The following PHF24 variants were observed in gnomAD, a reference collection of about 807,000 sequenced individuals.
PHF24 encodes PHD finger protein 24.
In PHF24, 25 loss-of-function variants were observed where a neutral mutation model predicts 42.6. The observed-to-expected ratio is 0.59, with a 90% CI of 0.43 to 0.82. The LOEUF is 0.82. Ranked by LOEUF, PHF24 falls within the 40% of genes least tolerant of loss-of-function variation. The probability of loss-of-function intolerance (pLI) is 0.00; values close to 1 mark genes in which losing one functional copy is unlikely to be tolerated. For missense variants in PHF24, 470 were observed against 538.1 expected, an observed-to-expected ratio of 0.87 and a Z score of 1.25; for synonymous variants, 185 against 204.8, an observed-to-expected ratio of 0.90 and a Z score of 0.83.
chr9:34,858,648 A>G, the PHF24 span, among the ~76,000 whole-genome samples: 3 of 152,226 alleles, frequency 2.0e-5, no homozygotes, highest in African/African-American at 7.2e-5. Context: ...CACTGGGGCA[A>G]GCATGAAGCC....
At chr9:34,860,346 A>AC in the PHF24 span, among the ~76,000 whole-genome samples, 1 of 152,134 alleles carries the variant, frequency 6.6e-6, no homozygotes, top group South Asian at 2.1e-4. Flanking sequence ...AGAGTTGTAA[A>AC]ATTGTTTTCC....
the PHF24 span, among the ~76,000 whole-genome samples, chr9:34,780,294 TTTTC>T: frequency 5.6e-5 from 5 of 89,810 alleles, no homozygotes; most frequent in African/African-American, 1.3e-4. Context: ...TTTTTTCTTT[TTTTC>T]TTTTTTTTTT....
chr9:34,773,825 A>G, the PHF24 span, among the ~76,000 whole-genome samples: 4 of 152,180 alleles, frequency 2.6e-5, no homozygotes, highest in African/African-American at 9.7e-5. Flanking sequence ...AAAACAAGGA[A>G]TATCTAATAA....
chr9:34,848,407 T>C, the PHF24 span, among the ~76,000 whole-genome samples: 2 of 151,800 alleles, frequency 1.3e-5, no homozygotes, highest in South Asian at 4.2e-4. Flanking sequence ...TGTAGTGTTC[T>C]CTGATGGTAG....
chr9:34,959,603 TG>T (rs1156242937), intron 1 of PHF24, among the ~76,000 whole-genome samples: 3 of 152,148 alleles, frequency 2.0e-5, no homozygotes, highest in Non-Finnish European at 4.4e-5. Context: ...ATTAAATAAG[TG>T]GATGAGGACA....
the PHF24 span, among the ~76,000 whole-genome samples, chr9:34,900,649 A>C: frequency 6.6e-6 from 1 of 152,196 alleles, no homozygotes; most frequent in African/African-American, 2.4e-5. Context: ...GGCAACTTAG[A>C]TGAAATGGAC....
intron 1 of PHF24, among the ~76,000 whole-genome samples, chr9:34,969,172 G>A (rs1826883202): frequency 6.6e-6 from 1 of 152,200 alleles, no homozygotes; most frequent in East Asian, 1.9e-4. Context: ...ACTGATTGTG[G>A]GGACTTCCTC....
At chr9:34,903,417 T>C in the PHF24 span, among the ~76,000 whole-genome samples, 1 of 152,054 alleles carries the variant, frequency 6.6e-6, no homozygotes, top group Non-Finnish European at 1.5e-5. Context: ...AAATAAAAAA[T>C]TAGCTGGGCA....
At chr9:34,710,829 C>G in the PHF24 span, among the ~76,000 whole-genome samples, 1 of 151,726 alleles carries the variant, frequency 6.6e-6, no homozygotes, top group Non-Finnish European at 1.5e-5. Context: ...GCTATGTTGC[C>G]CAGTCTGGTC....
At chr9:34,686,578 G>A in the PHF24 span, among the ~76,000 whole-genome samples, 4 of 152,206 alleles carry the variant, frequency 2.6e-5, no homozygotes, top group Non-Finnish European at 5.9e-5. Context: ...CAACAAATAG[G>A]AAAGGGAGAT....
chr9:34,912,527 AAC>A, the PHF24 span, among the ~76,000 whole-genome samples: 2 of 152,246 alleles, frequency 1.3e-5, no homozygotes, highest in Admixed American at 6.5e-5. Flanking sequence ...CATGAAAAAA[AAC>A]ACATAGCAAA....
chr9:34,707,404 A>G, the PHF24 span, among the ~76,000 whole-genome samples: 1 of 152,228 alleles, frequency 6.6e-6, no homozygotes, highest in Non-Finnish European at 1.5e-5. Context: ...GGGATCCCAC[A>G]AGAGTGCCTG....
the PHF24 span, among the ~76,000 whole-genome samples, chr9:34,686,715 A>G: frequency 3.3e-4 from 50 of 152,270 alleles, no homozygotes; most frequent in African/African-American, 1.2e-3. Context: ...TGAACCTGTA[A>G]CAGATGCCAT....
the PHF24 span, among the ~76,000 whole-genome samples, chr9:34,909,708 G>A: frequency 2.0e-5 from 3 of 150,496 alleles, no homozygotes; most frequent in South Asian, 2.1e-4. Context: ...TGCAAGCTCC[G>A]CCTCCCGGGC....
At chr9:34,701,421 G>A in the PHF24 span, among the ~76,000 whole-genome samples, 1 of 152,202 alleles carries the variant, frequency 6.6e-6, no homozygotes, top group Non-Finnish European at 1.5e-5. The surrounding 1 kb of genome is among the most constrained non-coding windows in gnomAD (Gnocchi z 5.8). Context: ...CCGTGAGCGT[G>A]CCCATGCATC....
chr9:34,836,986 C>G, the PHF24 span: 357 of 438,830 alleles, frequency 8.1e-4, no homozygotes, highest in African/African-American at 6.4e-3. Context: ...TTTCCATCTC[C>G]TCAGTCCTGC....
At chr9:34,718,084 G>T in the PHF24 span, among the ~76,000 whole-genome samples, 270 of 152,276 alleles carry the variant, frequency 1.8e-3, 2 homozygotes, top group African/African-American at 6.3e-3. Context: ...CCGCAAGGAG[G>T]GCTTCCCTTC....
At chr9:34,710,466 CTTT>C in the PHF24 span, among the ~76,000 whole-genome samples, 6 of 117,404 alleles carry the variant, frequency 5.1e-5, no homozygotes, top group Non-Finnish European at 1.0e-4. Context: ...TGTAAGAGTT[CTTT>C]TTTTTTTTTT....
At chr9:34,951,822 G>A in the PHF24 span, among the ~76,000 whole-genome samples, 1 of 152,228 alleles carries the variant, frequency 6.6e-6, no homozygotes, top group Non-Finnish European at 1.5e-5. Flanking sequence ...ATTTTGTTGT[G>A]TCTGTAAGAC....
Sources: gnomAD v4.1 joint callset for allele counts (sites outside exome capture counted in the v4.1 genomes callset) on GRCh38, gnomAD v4.1.1 for gene constraint, Gnocchi (gnomAD v3.1) non-coding constraint, MANE v1.5 for transcripts, NCBI Gene and HGNC (gene_info 2026-07-23, HGNC 2026-07-21) for gene names.